Variants in SMIM13 observed in about 807,000 individuals in gnomAD.
The protein encoded by SMIM13 is UPF0766 protein C6orf228.
SMIM13 carries 3 observed loss-of-function variants against 5.9 expected under a neutral mutation model. The ratio of observed to expected loss-of-function variants is 0.51; its 90% confidence interval spans 0.23 to 1.31. The LOEUF is 1.31. SMIM13 is among the 40% of genes most tolerant of loss of function. SMIM13 has a pLI of 0.18. For synonymous variants in SMIM13, 55 were observed against 46.0 expected, an observed-to-expected ratio of 1.19 and a Z score of -0.79; for missense variants, 85 against 109.9, an observed-to-expected ratio of 0.77 and a Z score of 1.01.
chr6:11,117,064 C>T (rs1490130515), intron 1 of SMIM13, among the ~76,000 whole-genome samples: 10 of 132,684 alleles, frequency 7.5e-5, no homozygotes, highest in South Asian at 2.6e-4. Context: ...GATCTCGGCT[C>T]ACTGCAACCT....
chr6:11,131,772 A>C (rs1432794496), intron 1 of SMIM13, among the ~76,000 whole-genome samples: 1 of 152,196 alleles, frequency 6.6e-6, no homozygotes, highest in African/African-American at 2.4e-5. Flanking sequence ...CAAAATTAAC[A>C]AAACTGGATT....
chr6:11,108,533 T>C (rs985128972), intron 1 of SMIM13, among the ~76,000 whole-genome samples: 1 of 152,156 alleles, frequency 6.6e-6, no homozygotes, highest in East Asian at 1.9e-4. Context: ...GTTTGGGCAC[T>C]GCCTTCTTGT....
chr6:11,131,151 G>A (rs1758446168), intron 1 of SMIM13, among the ~76,000 whole-genome samples: 2 of 152,162 alleles, frequency 1.3e-5, no homozygotes, highest in South Asian at 4.1e-4. Flanking sequence ...CTTAGTATTT[G>A]TTGAAGTCAA....
chr6:11,118,202 A>G (rs1758266318), intron 1 of SMIM13, among the ~76,000 whole-genome samples: 1 of 152,204 alleles, frequency 6.6e-6, no homozygotes, highest in African/African-American at 2.4e-5. Context: ...AACGTCCCAT[A>G]TATAATCAAA....
At chr6:11,131,233 G>T (rs1758446856) in intron 1 of SMIM13, among the ~76,000 whole-genome samples, 1 of 152,058 alleles carries the variant, frequency 6.6e-6, no homozygotes, top group Non-Finnish European at 1.5e-5. Flanking sequence ...GACTATTCAT[G>T]ATTTATCTTA....
chr6:11,131,704 T>A (rs938099489), intron 1 of SMIM13, among the ~76,000 whole-genome samples: 1 of 152,156 alleles, frequency 6.6e-6, no homozygotes, highest in East Asian at 1.9e-4. Context: ...CAACAAATGA[T>A]CCTGGAACAG....
intron 1 of SMIM13, among the ~76,000 whole-genome samples, chr6:11,125,786 T>G (rs1208658822): frequency 6.6e-6 from 1 of 152,196 alleles, no homozygotes; most frequent in Non-Finnish European, 1.5e-5. Flanking sequence ...GGGAGTTTGA[T>G]CATTAAATGC....
chr6:11,095,571 T>C (rs1757912900), intron 1 of SMIM13, among the ~76,000 whole-genome samples: 1 of 152,156 alleles, frequency 6.6e-6, no homozygotes. Context: ...AGGCTGGTCT[T>C]GAACTCCTGA....
At chr6:11,108,378 G>A (rs562359289) in intron 1 of SMIM13, among the ~76,000 whole-genome samples, 4 of 152,320 alleles carry the variant, frequency 2.6e-5, no homozygotes, top group South Asian at 2.1e-4. Flanking sequence ...CAAGTGGAGC[G>A]TAGGGCCCCC....
rs139600677 is a variant in SMIM13 at position 11,116,733 on chromosome 6, C to T, written c.77-17670C>T. Among the ~76,000 whole-genome samples the T allele has an allele frequency of 6.6e-5, 10 of 152,148 alleles. No individual in the cohort carries two copies. The East Asian group carries it at 1.3e-3, about 21-fold the overall frequency. On this transcript the variant is annotated intron_variant, in intron 1 of 1. Transcript: ENST00000416247. ...TCCTTTCTTGTTTGTTTGTAATTGGCCTGACTAGAGGTTTATAAATTTTAT... is the reference window on the plus strand; with the variant it reads ...TCCTTTCTTGTTTGTTTGTAATTGGTCTGACTAGAGGTTTATAAATTTTAT...
intron 1 of SMIM13, among the ~76,000 whole-genome samples, chr6:11,120,086 T>C (rs1030108476): frequency 6.6e-6 from 1 of 152,200 alleles, no homozygotes; most frequent in African/African-American, 2.4e-5. Flanking sequence ...TTTTTATAAA[T>C]GTGAAATTGG....
At chr6:11,105,293 C>T (rs748203793) in intron 1 of SMIM13, 12 of 1,613,202 alleles carry the variant, frequency 7.4e-6, no homozygotes, top group Non-Finnish European at 1.0e-5. Context: ...GAATGAGAAC[C>T]AGCAGGAGCA....
intron 1 of SMIM13, among the ~76,000 whole-genome samples, chr6:11,124,059 C>G (rs1015439191): frequency 1.1e-4 from 17 of 152,082 alleles, no homozygotes; most frequent in Admixed American, 9.8e-4. Context: ...TTATTGTTGA[C>G]TGTAATCACC....
Position 11,134,564 on chromosome 6 carries a change from A to C in SMIM13, c.238A>C (p.Arg80=). The change falls in exon 2 of 2, where the codon AGG becomes CGG. Residue 80 remains arginine, a synonymous_variant. Coordinates refer to ENST00000416247, the MANE Select transcript of SMIM13 (RefSeq NM_001135575.2). Reference sequence around the variant, plus strand: ...CAGAATCAGATCCGCTCGCCAAAGGAGGGCACCTGCTGATGAAGGCCACAG... The same window carrying C: ...CAGAATCAGATCCGCTCGCCAAAGGCGGGCACCTGCTGATGAAGGCCACAG... ...PHRIRSARQR[R]APADEGHRPL... The C allele has an allele frequency of 1.3e-6, 2 of 1,549,302 alleles. No individual in the cohort carries two copies. Among genetic ancestry groups the C allele is most frequent in the Non-Finnish European group, 1.7e-6 (2 of 1,145,702 alleles).
At chr6:11,115,136 C>T (rs1758220401) in intron 1 of SMIM13, among the ~76,000 whole-genome samples, 1 of 152,210 alleles carries the variant, frequency 6.6e-6, no homozygotes, top group Non-Finnish European at 1.5e-5. Context: ...GACCTTATTA[C>T]ATGAGTTGGG....
chr6:11,125,616 AAACAAC>A (rs546616701), intron 1 of SMIM13, among the ~76,000 whole-genome samples: 6 of 152,078 alleles, frequency 3.9e-5, no homozygotes, highest in African/African-American at 7.2e-5. Context: ...ACAAAAGACA[AAACAAC>A]AACAACAACA....
chr6:11,116,913 G>A (rs1758246237), intron 1 of SMIM13, among the ~76,000 whole-genome samples: 1 of 150,478 alleles, frequency 6.6e-6, no homozygotes, highest in Admixed American at 6.6e-5. Context: ...TTCTTATGGG[G>A]AAATCTTGGG....
chr6:11,111,173 T>C (rs1325947874), intron 1 of SMIM13, among the ~76,000 whole-genome samples: 3 of 152,086 alleles, frequency 2.0e-5, no homozygotes, highest in Non-Finnish European at 4.4e-5. Context: ...GAGCTGCGGG[T>C]GCATGAATAA....
intron 1 of SMIM13, among the ~76,000 whole-genome samples, chr6:11,106,534 T>C (rs1758086075): frequency 6.6e-6 from 1 of 152,248 alleles, no homozygotes; most frequent in Non-Finnish European, 1.5e-5. Flanking sequence ...TCTTGATGGT[T>C]TCCATTGGTA....
Sources: allele counts gnomAD v4.1 joint callset (sites outside exome capture counted in the v4.1 genomes callset), GRCh38; gene constraint gnomAD v4.1.1; transcripts MANE v1.5; gene names NCBI Gene and HGNC (gene_info 2026-07-23, HGNC 2026-07-21).